The following CNTNAP5 variants were observed in gnomAD, a reference collection of about 807,000 sequenced individuals.
CNTNAP5 encodes the protein contactin-associated protein-like 5.
Under a neutral mutation model 150.2 loss-of-function variants are expected in CNTNAP5, and 72 were observed. That is an observed-to-expected ratio of 0.48 (90% CI 0.40 to 0.58). The LOEUF (loss-of-function observed/expected upper bound fraction) is 0.58. Among genes scored for constraint, CNTNAP5 ranks in the 20% least tolerant of loss-of-function variants. The pLI, the probability that CNTNAP5 is intolerant of heterozygous loss-of-function variation, is 0.00. For synonymous variants in CNTNAP5, 672 were observed against 619.8 expected (o/e 1.08, Z -1.25); for missense variants, 1,636 against 1,626.2 (o/e 1.01, Z -0.10).
intron 1 of CNTNAP5, among the ~76,000 whole-genome samples, chr2:124,050,480 A>G (rs368477048): frequency 2.0e-5 from 3 of 152,300 alleles, no homozygotes; most frequent in African/African-American, 7.2e-5. Context: ...TAATAAAAAA[A>G]GAATAAAGAA....
At chr2:124,229,272 T>C (rs2901199) in intron 2 of CNTNAP5, among the ~76,000 whole-genome samples, 43,492 of 152,040 alleles carry the variant, frequency 0.29, 6,416 homozygotes, top group South Asian at 0.48. Flanking sequence ...AAACTAATTT[T>C]TCTGAGAGAA....
chr2:124,037,482 C>T (rs1280002475), intron 1 of CNTNAP5, among the ~76,000 whole-genome samples: 3 of 150,282 alleles, frequency 2.0e-5, no homozygotes, highest in Non-Finnish European at 4.4e-5. Context: ...TATAAAAACA[C>T]AACAGAATCT....
At chr2:124,391,598 T>TA (rs1691110617) in intron 3 of CNTNAP5, among the ~76,000 whole-genome samples, 1 of 151,968 alleles carries the variant, frequency 6.6e-6, no homozygotes, top group Admixed American at 6.6e-5. Flanking sequence ...GTGGAAGAAA[T>TA]AAAAAACAAA....
At chr2:124,228,133 G>T (rs1422479203) in intron 2 of CNTNAP5, among the ~76,000 whole-genome samples, 3 of 151,940 alleles carry the variant, frequency 2.0e-5, no homozygotes, top group African/African-American at 7.3e-5. Context: ...GAGGCCCAAG[G>T]TCTGAGAAAT....
Position 124,915,098 on chromosome 2 carries a change from G to A in CNTNAP5, c.*810G>A, listed in dbSNP as rs1678736180. On this transcript the variant is annotated 3_prime_UTR_variant, in exon 24 of 24. Coordinates refer to ENST00000682447, the MANE Select transcript of CNTNAP5 (RefSeq NM_001367498.1). ...ATGCCTCCTCCAATTTTGTAAGAAT[G>A]CTAGCTAGGTATTCCTGGGATTATT... 6.1e-6 allele frequency: 1 copy of A among 163,296 alleles called. No homozygotes were observed. The highest frequency in any genetic ancestry group is 1.5e-5 in the Non-Finnish European group (1 of 67,960). The allele number at this position is 163,296 out of a possible 1,614,324, so 10.1% of individuals were successfully genotyped here. A position where few individuals can be genotyped will look rare whatever the true frequency, so the allele number is the denominator to read the frequency against.
chr2:124,809,917 G>T (rs1015192214), intron 19 of CNTNAP5, among the ~76,000 whole-genome samples: 9 of 152,034 alleles, frequency 5.9e-5, no homozygotes, highest in Non-Finnish European at 2.9e-5. Context: ...CAAAGGCAAA[G>T]GCAAAATCCT....
At chr2:124,697,907 A>G (rs1210152467) in intron 13 of CNTNAP5, among the ~76,000 whole-genome samples, 4 of 152,160 alleles carry the variant, frequency 2.6e-5, no homozygotes, top group Non-Finnish European at 4.4e-5. Context: ...CATTTTGTAT[A>G]AGAAAACCAA....
chr2:124,498,773 T>G (rs1417965804), intron 7 of CNTNAP5, among the ~76,000 whole-genome samples: 1 of 152,154 alleles, frequency 6.6e-6, no homozygotes, highest in Non-Finnish European at 1.5e-5. Flanking sequence ...AAAGAAAAAG[T>G]CTTCTAAAAT....
At chr2:124,087,866 G>A (rs1025541064) in intron 1 of CNTNAP5, among the ~76,000 whole-genome samples, 15 of 149,064 alleles carry the variant, frequency 1.0e-4, no homozygotes, top group East Asian at 3.9e-4. Flanking sequence ...ATTTTTCTCA[G>A]GTGGCTTTCA....
Position 124,035,981 on chromosome 2 carries a change from G to A in CNTNAP5, c.82+10249G>A, listed in dbSNP as rs1004630248. On this transcript the variant is annotated intron_variant, in intron 1 of 23. Coordinates refer to ENST00000682447, the MANE Select transcript of CNTNAP5 (RefSeq NM_001367498.1). Reference sequence around the variant, plus strand: ...CGCCCAGGCCGGACTGCGGACTGCAGTGGCGCAATCTCGGCTCACTGCAAG... The same window carrying A: ...CGCCCAGGCCGGACTGCGGACTGCAATGGCGCAATCTCGGCTCACTGCAAG... Among the ~76,000 whole-genome samples the A allele has an allele frequency of 4.6e-5, 6 of 130,748 alleles. No individual in the cohort carries two copies. In the Admixed American group the frequency reaches 4.6e-4, roughly 10 times the overall value. The allele number at this position is 130,748 out of a possible 152,430, so 85.8% of individuals were successfully genotyped here.
At chr2:124,042,894 C>T (rs535160865) in intron 1 of CNTNAP5, among the ~76,000 whole-genome samples, 7 of 152,030 alleles carry the variant, frequency 4.6e-5, no homozygotes, top group South Asian at 2.1e-4. Context: ...TTGGAGGTGA[C>T]GTAACTACGT....
intron 3 of CNTNAP5, among the ~76,000 whole-genome samples, chr2:124,322,355 C>A (rs564096383): frequency 6.6e-6 from 1 of 152,070 alleles, no homozygotes; most frequent in African/African-American, 2.4e-5. Context: ...CATTCATTCC[C>A]AGCTCTGCCA....
chr2:124,627,444 G>A (rs1207734240), intron 12 of CNTNAP5, among the ~76,000 whole-genome samples: 2 of 151,712 alleles, frequency 1.3e-5, no homozygotes, highest in African/African-American at 4.8e-5. Flanking sequence ...GGTCTGGAGT[G>A]GACCCCCAGC....
chr2:124,068,398 A>G (rs1232391317), intron 1 of CNTNAP5, among the ~76,000 whole-genome samples: 1 of 152,150 alleles, frequency 6.6e-6, no homozygotes, highest in Non-Finnish European at 1.5e-5. Flanking sequence ...CCACAGAAGG[A>G]GCATTTGGAC....
At position 124,211,002 on chromosome 2, in the gene CNTNAP5, T is replaced by A. The variant is rs189479936; in HGVS notation, c.83-10703T>A. 1.9e-3 allele frequency among the ~76,000 whole-genome samples: 296 copies of A among 152,288 alleles called. 1 individual carries two copies. The highest frequency in any genetic ancestry group is 3.2e-3 in the Non-Finnish European group (219 of 68,026). On this transcript the variant is annotated intron_variant, in intron 1 of 23. Transcript: ENST00000682447. ...TCACCAGGTTATGTATCAGATAGCA[T>A]GATACATGATGCCTGGGACACTGTA...
intron 12 of CNTNAP5, among the ~76,000 whole-genome samples, chr2:124,624,868 A>C (rs934384426): frequency 2.0e-5 from 3 of 152,202 alleles, no homozygotes; most frequent in Non-Finnish European, 1.5e-5. Context: ...ACATTTATCC[A>C]GCAGCTGCTG....
chr2:124,377,273 AG>A (rs1320857392), intron 3 of CNTNAP5, among the ~76,000 whole-genome samples: 1 of 152,136 alleles, frequency 6.6e-6, no homozygotes, highest in African/African-American at 2.4e-5. Flanking sequence ...TCTTCAAAAA[AG>A]GTCTCTTCCC....
intron 8 of CNTNAP5, among the ~76,000 whole-genome samples, chr2:124,510,388 C>CACACACACACAA (rs1375988386): frequency 1.7e-5 from 2 of 114,496 alleles, no homozygotes; most frequent in Admixed American, 1.9e-4. Context: ...CACACACACA[C>CACACACACACAA]AAATATTCAT....
chr2:124,043,812 C>T (rs371401270), intron 1 of CNTNAP5, among the ~76,000 whole-genome samples: 23 of 152,302 alleles, frequency 1.5e-4, no homozygotes, highest in African/African-American at 5.1e-4. Context: ...TACTTTCTCT[C>T]ACTCACTCTT....
Sources: gnomAD v4.1 joint callset for allele counts (sites outside exome capture counted in the v4.1 genomes callset) on GRCh38, gnomAD v4.1.1 for gene constraint, MANE v1.5 for transcripts, NCBI Gene and HGNC (gene_info 2026-07-23, HGNC 2026-07-21) for gene names.